Variants in RGS13 observed in about 807,000 individuals in gnomAD.
The protein encoded by RGS13 is regulator of G-protein signalling 13.
Under a neutral mutation model 19.9 loss-of-function variants are expected in RGS13, and 14 were observed. That is an observed-to-expected ratio of 0.70 (90% CI 0.46 to 1.10). The LOEUF is 1.10. Among genes scored for constraint, RGS13 ranks in the 50% least tolerant of loss-of-function variants. The probability of loss-of-function intolerance (pLI) is 0.00; values close to 1 mark genes in which losing one functional copy is unlikely to be tolerated. For synonymous variants in RGS13, 60 were observed against 56.8 expected (o/e 1.06, Z -0.25); for missense variants, 205 against 187.1 (o/e 1.10, Z -0.56).
chr1:192,645,972 T>C (rs1253053060), intron 4 of RGS13: 1 of 152,150 alleles, frequency 6.6e-6, no homozygotes, highest in Admixed American at 6.6e-5. Context: ...ATAATGGGAA[T>C]GATTAGAACG....
chr1:192,641,274 G>GAA (rs1383073801), intron 3 of RGS13, among the ~76,000 whole-genome samples: 2 of 100,148 alleles, frequency 2.0e-5, no homozygotes, highest in African/African-American at 6.1e-5. Context: ...AAGAAAGAAA[G>GAA]AAAGAAAGAA....
rs953723657 is a variant in RGS13 at position 192,637,599 on chromosome 1, A to G, written c.-106A>G. On this transcript the variant is annotated 5_prime_UTR_variant, in exon 2 of 7. An upstream start codon of the reference 5' UTR is lost. Transcript: ENST00000391995. ...ATTATTTTATTTTTAGGTCAATGGA[A>G]TGTTTCCACATATTATACCACCAAC... The G allele has an allele frequency of 6.6e-6, 1 of 151,912 alleles. No individual in the cohort carries two copies. The highest frequency in any genetic ancestry group is 2.4e-5 in the African/African-American group (1 of 41,430). The allele number at this position is 151,912 out of a possible 1,614,324, so 9.4% of individuals were successfully genotyped here.
intron 3 of RGS13, among the ~76,000 whole-genome samples, chr1:192,643,810 G>A (rs1312831656): frequency 6.6e-6 from 1 of 152,126 alleles, no homozygotes; most frequent in Admixed American, 6.5e-5. Context: ...AAATTAGCCA[G>A]TCATGGTGGC....
rs6661455 is a variant in RGS13 at position 192,651,959 on chromosome 1, T to C, written c.127+3972T>C. 2.8e-3 allele frequency among the ~76,000 whole-genome samples: 429 copies of C among 152,186 alleles called. 5 individuals are homozygous for C. Among genetic ancestry groups the C allele is most frequent in the African/African-American group, 9.5e-3 (393 of 41,558 alleles). ...GTCTGTTTAAAATCTGAAGTTATGATTTCAAATGCGAGACCACAGTTGTAT... is the reference window on the plus strand; with the variant it reads ...GTCTGTTTAAAATCTGAAGTTATGACTTCAAATGCGAGACCACAGTTGTAT... On this transcript the variant is annotated intron_variant, in intron 5 of 6. Transcript: ENST00000391995.
At chr1:192,647,042 C>A (rs577721143) in intron 4 of RGS13, 4 of 152,160 alleles carry the variant, frequency 2.6e-5, no homozygotes, top group African/African-American at 9.6e-5. Flanking sequence ...AAAATTAAAA[C>A]TGATACAAAA....
At chr1:192,646,665 C>G (rs1175794268) in intron 4 of RGS13, 1 of 152,094 alleles carries the variant, frequency 6.6e-6, no homozygotes, top group Non-Finnish European at 1.5e-5. Context: ...CCCCACCCTA[C>G]AACAGGCCCC....
At chr1:192,650,205 T>C (rs1321942641) in intron 5 of RGS13, among the ~76,000 whole-genome samples, 2 of 152,216 alleles carry the variant, frequency 1.3e-5, no homozygotes, top group South Asian at 4.1e-4. Context: ...AATTCTAGTG[T>C]CATGAGAATA....
chr1:192,645,449 T>A (rs1663199306), intron 4 of RGS13: 1 of 152,154 alleles, frequency 6.6e-6, no homozygotes, highest in Non-Finnish European at 1.5e-5. Flanking sequence ...TTATCCCTAT[T>A]ATATAGACAA....
chr1:192,638,541 T>C (rs1256912345), intron 3 of RGS13, among the ~76,000 whole-genome samples: 4 of 151,984 alleles, frequency 2.6e-5, no homozygotes, highest in Non-Finnish European at 4.4e-5. Flanking sequence ...TAGTAATCAA[T>C]AGAGAGAAAC....
chr1:192,640,227 T>C (rs1466584623), intron 3 of RGS13, among the ~76,000 whole-genome samples: 1 of 152,156 alleles, frequency 6.6e-6, no homozygotes, highest in African/African-American at 2.4e-5. Context: ...CTACATTTTA[T>C]AGGTGATCAC....
intron 3 of RGS13, among the ~76,000 whole-genome samples, chr1:192,639,507 C>T (rs1367195127): frequency 6.6e-6 from 1 of 151,996 alleles, no homozygotes; most frequent in Non-Finnish European, 1.5e-5. Flanking sequence ...GGAGGATTTG[C>T]AGATTATATG....
chr1:192,656,711 T>G (rs994257681), intron 5 of RGS13, among the ~76,000 whole-genome samples: 1 of 152,070 alleles, frequency 6.6e-6, no homozygotes, highest in Non-Finnish European at 1.5e-5. Flanking sequence ...GTGATAATAA[T>G]AGTCCATGTT....
At chr1:192,647,092 AG>A (rs1351173899) in intron 4 of RGS13, 2 of 152,208 alleles carry the variant, frequency 1.3e-5, no homozygotes, top group African/African-American at 4.8e-5. Context: ...TACTAGCTTT[AG>A]GGTTACTAAC....
At chr1:192,652,915 G>A (rs778592576) in intron 5 of RGS13, among the ~76,000 whole-genome samples, 3 of 152,024 alleles carry the variant, frequency 2.0e-5, no homozygotes, top group Non-Finnish European at 2.9e-5. Context: ...ACAGCAAAGA[G>A]GGGTGGCCTT....
At chr1:192,644,689 C>T in intron 4 of RGS13, 1 of 235,002 alleles carries the variant, frequency 4.3e-6, no homozygotes, top group Non-Finnish European at 8.1e-6. Flanking sequence ...AAATGAGATT[C>T]TTCAATCCAA....
intron 5 of RGS13, among the ~76,000 whole-genome samples, chr1:192,651,704 G>T (rs980920766): frequency 1.3e-5 from 2 of 151,986 alleles, no homozygotes; most frequent in Non-Finnish European, 2.9e-5. Flanking sequence ...TTATAAAGGA[G>T]GAATACAGAT....
chr1:192,648,857 T>G (rs1663265974), intron 5 of RGS13, among the ~76,000 whole-genome samples: 1 of 152,130 alleles, frequency 6.6e-6, no homozygotes, highest in South Asian at 2.1e-4. Flanking sequence ...CAGTGGCTAT[T>G]CTGGGCAAGG....
intron 5 of RGS13, among the ~76,000 whole-genome samples, chr1:192,654,661 G>A (rs1230606993): frequency 6.6e-6 from 1 of 152,016 alleles, no homozygotes; most frequent in East Asian, 1.9e-4. Flanking sequence ...CCTGCCTGGT[G>A]TAAGCCTTGC....
chr1:192,638,491 A>G (rs2102027258), intron 3 of RGS13, among the ~76,000 whole-genome samples: 1 of 152,218 alleles, frequency 6.6e-6, no homozygotes, highest in East Asian at 1.9e-4. Flanking sequence ...GTTCTGTGAT[A>G]TTCCAACAAA....
Sources: gnomAD v4.1 joint callset for allele counts (sites outside exome capture counted in the v4.1 genomes callset) on GRCh38, gnomAD v4.1.1 for gene constraint, MANE v1.5 for transcripts, NCBI Gene and HGNC (gene_info 2026-07-23, HGNC 2026-07-21) for gene names.